GRIK4: variants seen among roughly 807,000 people sequenced by gnomAD.
GRIK4 encodes glutamate receptor ionotropic, kainate 4.
A neutral mutation model predicts 104.9 loss-of-function variants in GRIK4; 40 were observed. The ratio of observed to expected loss-of-function variants is 0.38; its 90% CI spans 0.30 to 0.50. The LOEUF is 0.50. GRIK4 is among the 20% of genes least tolerant of loss of function. GRIK4 has a pLI of 0.93. For synonymous variants in GRIK4, 485 were observed against 524.9 expected (o/e 0.92, Z 1.04); for missense variants, 1,047 against 1,308.1 (o/e 0.80, Z 3.08).
intron 13 of GRIK4, among the ~76,000 whole-genome samples, chr11:120,929,003 GTGTA>G (rs776018332): frequency 5.0e-5 from 7 of 140,948 alleles, no homozygotes; most frequent in Non-Finnish European, 9.4e-5. Context: ...GCGTGCACGC[GTGTA>G]TGTGTGTGTG....
intron 1 of GRIK4, among the ~76,000 whole-genome samples, chr11:120,607,342 G>T (rs184705477): frequency 1.3e-5 from 2 of 152,210 alleles, no homozygotes; most frequent in African/African-American, 4.8e-5. Flanking sequence ...GCAGGGAGGG[G>T]CACCTGTGTT....
chr11:120,554,547 T>TTTTTCC (rs1565547780), intron 1 of GRIK4, among the ~76,000 whole-genome samples: 1 of 151,870 alleles, frequency 6.6e-6, no homozygotes, highest in African/African-American at 2.4e-5. Flanking sequence ...GTCGCTCTCT[T>TTTTTCC]TTTTTCTTTT....
At chr11:120,970,594 A>G (rs906279478) in intron 19 of GRIK4, among the ~76,000 whole-genome samples, 1 of 151,678 alleles carries the variant, frequency 6.6e-6, no homozygotes, top group Non-Finnish European at 1.5e-5. Context: ...ATTGATTTGC[A>G]TCTCCTGCTC....
At chr11:120,543,884 A>G (rs1412692599) in intron 1 of GRIK4, among the ~76,000 whole-genome samples, 5 of 152,232 alleles carry the variant, frequency 3.3e-5, no homozygotes, top group Admixed American at 6.5e-5. Context: ...TAAGCCAGGT[A>G]CAGAAAGACA....
Position 120,786,602 on chromosome 11 carries a change from G to A in GRIK4, c.83-16091G>A, listed in dbSNP as rs187617090. On this transcript the variant is annotated intron_variant, in intron 3 of 20. Coordinates refer to ENST00000527524, the MANE Select transcript of GRIK4 (RefSeq NM_014619.5). ...TGCCTTGCTTCTGGCTGTGCCCTGA[G>A]GCTGCTTTCAGAAACACACCAACAT... Among the ~76,000 whole-genome samples, 205 of 152,086 alleles carry A rather than the reference G, an allele frequency of 1.3e-3. 1 individual carries two copies. The highest frequency in any genetic ancestry group is 4.7e-3 in the African/African-American group (196 of 41,398).
At chr11:120,554,059 TACCCACTCACACCCCC>T (rs1052162368) in intron 1 of GRIK4, among the ~76,000 whole-genome samples, 32 of 151,964 alleles carry the variant, frequency 2.1e-4, no homozygotes, top group African/African-American at 5.3e-4. Flanking sequence ...TCCACACCCC[TACCCACTCACACCCCC>T]ACCCACTCAC....
chr11:120,689,704 C>T (rs1038921758), intron 3 of GRIK4, among the ~76,000 whole-genome samples: 1 of 152,166 alleles, frequency 6.6e-6, no homozygotes, highest in Non-Finnish European at 1.5e-5. Context: ...CCCTGATCCT[C>T]CCAGTCCAAA....
intron 3 of GRIK4, among the ~76,000 whole-genome samples, chr11:120,776,412 T>A (rs1440699430): frequency 2.0e-5 from 3 of 152,178 alleles, no homozygotes; most frequent in African/African-American, 7.2e-5. Context: ...CCCTCTTTTT[T>A]GCCTGACCTC....
intron 3 of GRIK4, among the ~76,000 whole-genome samples, chr11:120,751,240 C>G (rs1054284350): frequency 6.6e-6 from 1 of 151,884 alleles, no homozygotes; most frequent in African/African-American, 2.4e-5. Flanking sequence ...AGAGCCTTGC[C>G]AGTGGGAAGC....
intron 5 of GRIK4, among the ~76,000 whole-genome samples, chr11:120,815,867 C>T (rs952777854): frequency 6.6e-5 from 10 of 152,188 alleles, no homozygotes; most frequent in Non-Finnish European, 1.2e-4. Context: ...TATCTGTTTA[C>T]ATATCGGGAT....
At chr11:120,574,918 G>A (rs1788221057) in intron 1 of GRIK4, among the ~76,000 whole-genome samples, 2 of 152,170 alleles carry the variant, frequency 1.3e-5, no homozygotes, top group South Asian at 4.2e-4. Context: ...ACAGGAAAGG[G>A]ACCCCTGACC....
intron 13 of GRIK4, among the ~76,000 whole-genome samples, chr11:120,933,771 G>A (rs183840253): frequency 5.5e-4 from 84 of 152,296 alleles, no homozygotes; most frequent in African/African-American, 1.9e-3. Context: ...CCCAGAGAAG[G>A]GAAGTAAATT....
intron 16 of GRIK4, among the ~76,000 whole-genome samples, chr11:120,959,955 G>T (rs765882956): frequency 1.2e-4 from 18 of 152,154 alleles, no homozygotes; most frequent in Admixed American, 9.2e-4. Context: ...CTTGAGCCCG[G>T]GAGTTCTAGG....
chr11:120,654,465 T>A (rs955340308), intron 2 of GRIK4, among the ~76,000 whole-genome samples: 1 of 152,112 alleles, frequency 6.6e-6, no homozygotes, highest in Non-Finnish European at 1.5e-5. Flanking sequence ...CCGGTTCAAG[T>A]GATTCTCCTG....
intron 3 of GRIK4, among the ~76,000 whole-genome samples, chr11:120,724,050 TAGTC>T (rs1188587495): frequency 1.3e-5 from 2 of 152,188 alleles, no homozygotes; most frequent in Non-Finnish European, 2.9e-5. Context: ...TAAGTGGAAT[TAGTC>T]AGTATGTAGC....
intron 3 of GRIK4, among the ~76,000 whole-genome samples, chr11:120,670,701 TTTTTTA>T (rs546900283): frequency 6.6e-6 from 1 of 152,206 alleles, no homozygotes; most frequent in Non-Finnish European, 1.5e-5. Flanking sequence ...CCTTTTTCTT[TTTTTTA>T]TTTTTATTTT....
chr11:120,808,297 A>G (rs140827101), intron 4 of GRIK4, among the ~76,000 whole-genome samples: 6 of 152,280 alleles, frequency 3.9e-5, no homozygotes, highest in Non-Finnish European at 8.8e-5. Context: ...GGGAATAAGA[A>G]GAGTTCTCAC....
Position 120,967,046 on chromosome 11 carries a change from A to G in GRIK4, c.2267-149A>G. On this transcript the variant is annotated intron_variant, in intron 18 of 20. Transcript: ENST00000527524. The surrounding 1 kb of genome is among the most constrained non-coding windows in gnomAD (Gnocchi z 4.2). ...CAGTGGAGTAGACAGCACTGGCCCC[A>G]TGGGCTCGCCCCACCCGCTGCATCT... 1 of 811,470 alleles carries G rather than the reference A, an allele frequency of 1.2e-6. No individual in the cohort carries two copies. Among genetic ancestry groups the G allele is most frequent in the Non-Finnish European group, 1.9e-6 (1 of 524,652 alleles). 50.3% of individuals were successfully genotyped at this position (811,470 alleles called of 1,614,324 possible).
chr11:120,547,246 C>A (rs1241393527), intron 1 of GRIK4, among the ~76,000 whole-genome samples: 1 of 152,220 alleles, frequency 6.6e-6, no homozygotes, highest in Non-Finnish European at 1.5e-5. Context: ...CTCCAGGGTA[C>A]CCTGGGCACT....
Sources: allele counts gnomAD v4.1 joint callset (sites outside exome capture counted in the v4.1 genomes callset), GRCh38; gene constraint gnomAD v4.1.1; non-coding constraint Gnocchi (gnomAD v3.1); transcripts MANE v1.5; gene names NCBI Gene and HGNC (gene_info 2026-07-23, HGNC 2026-07-21).